Variants in ILKAP observed in about 807,000 individuals in gnomAD.
The protein encoded by ILKAP is ILK associated serine/threonine phosphatase.
A neutral mutation model predicts 49.1 loss-of-function variants in ILKAP; 11 were observed. The observed-to-expected ratio is 0.22, with a 90% CI of 0.14 to 0.37. The LOEUF is 0.37. ILKAP is among the 10% of genes least tolerant of loss of function. The pLI, the probability that ILKAP is intolerant of heterozygous loss-of-function variation, is 1.00. For synonymous variants in ILKAP, 186 were observed against 192.8 expected, an observed-to-expected ratio of 0.96 and a Z score of 0.29; for missense variants, 363 against 510.8, an observed-to-expected ratio of 0.71 and a Z score of 2.79.
chr2:238,181,895 T>C (rs1574788338), intron 9 of ILKAP, among the ~76,000 whole-genome samples, 170 bp downstream of exon 9: 1 of 152,324 alleles, frequency 6.6e-6, no homozygotes, highest in East Asian at 1.9e-4. Context: ...CGTGGACACA[T>C]GTGAAATCTA....
At chr2:238,203,035 T>G (rs990946698) in intron 1 of ILKAP, among the ~76,000 whole-genome samples, 1 of 152,004 alleles carries the variant, frequency 6.6e-6, no homozygotes, top group Non-Finnish European at 1.5e-5. Context: ...GCCCCTGAAC[T>G]TGCACCGGCC....
Position 238,182,183 on chromosome 2 carries a change from T to G in ILKAP, c.718A>C (p.Ile240Leu), listed in dbSNP as rs1401756006. 6.2e-7 allele frequency: 1 copy of G among 1,613,292 alleles called. No individual in the cohort carries two copies. Among genetic ancestry groups the G allele is most frequent in the Non-Finnish European group, 8.5e-7 (1 of 1,179,510 alleles). The change falls in exon 9 of 12, where the codon ATC becomes CTC. Residue 240 changes from isoleucine to leucine, a missense_variant. Around this residue, in one of 3 missense-constraint regions of ILKAP, gnomAD observed 166 missense variants for 307.3 expected, o/e 0.54. Coordinates refer to ENST00000254654, the MANE Select transcript of ILKAP (RefSeq NM_030768.3). ...YIANLGDSRA[I>L]LCRYNEESQK... The stretch of plus-strand genomic sequence containing the variant: ...CTCTCCTCATTATAACGACACAAGA[T>G]TGCCTGGGAAGATGGAGATTGTAAT...
At chr2:238,196,483 TC>T (rs35709588) in intron 1 of ILKAP, among the ~76,000 whole-genome samples, 1 of 152,136 alleles carries the variant, frequency 6.6e-6, no homozygotes, top group African/African-American at 2.4e-5. Context: ...CGCCTCAGCC[TC>T]CCAAAGTGCT....
chr2:238,187,529 T>C (rs1166627922), intron 5 of ILKAP, among the ~76,000 whole-genome samples: 1 of 152,238 alleles, frequency 6.6e-6, no homozygotes, highest in East Asian at 1.9e-4. Flanking sequence ...CAAGAGCTTA[T>C]CCAGAAGGCT....
At chr2:238,182,314 T>A in intron 8 of ILKAP, 128 bp from the exon 9 acceptor site, 1 of 1,113,716 alleles carries the variant, frequency 9.0e-7, no homozygotes, top group Non-Finnish European at 1.3e-6. Flanking sequence ...ACATTCAGCC[T>A]CCTGCTGATA....
rs982721524 is a variant in ILKAP, at chr2:238,188,171, T to C, written c.385A>G (p.Asn129Asp). The C allele has an allele frequency of 6.2e-7, 1 of 1,614,062 alleles. No individual in the cohort carries two copies. Among genetic ancestry groups the C allele is most frequent in the South Asian group, 1.1e-5 (1 of 91,070 alleles). The part of the protein sequence containing the change: ...EEMQDAHVIL[N>D]DITEECRPPS... ...GGCCTACACTCCTCGGTGATGTCGT[T>C]CAGGATGACGTGGGCATCCTGCATC... is the stretch of plus-strand genomic sequence containing the variant. The change falls in exon 5 of 12, where the codon AAC (asparagine) becomes GAC (aspartate). Residue 129 changes from asparagine (N) to aspartate (D), a missense_variant. Asn to Asp is a conservative substitution (Grantham distance 23). This residue lies in a region of ILKAP where 166 missense variants were observed against 307.3 expected (regional missense o/e 0.54). Coordinates refer to ENST00000254654, the MANE Select transcript of ILKAP (RefSeq NM_030768.3).
intron 1 of ILKAP, among the ~76,000 whole-genome samples, chr2:238,195,354 G>A (rs568787950): frequency 2.6e-5 from 4 of 152,070 alleles, no homozygotes; most frequent in Non-Finnish European, 4.4e-5. Flanking sequence ...TTCTGCAAGG[G>A]AAGAAAATCT....
rs545597697 is a variant in ILKAP at position 238,201,080 on chromosome 2, G to C, written c.55+2419C>G. ...AGGTCTTTTATTGTTCACTGCATTA[G>C]AGATTTGTGGTACCCACATATCATG... On this transcript the variant is annotated intron_variant, in intron 1 of 11. Coordinates refer to ENST00000254654, the MANE Select transcript of ILKAP (RefSeq NM_030768.3). Among the ~76,000 whole-genome samples, 17 of 152,342 alleles carry C rather than the reference G, an allele frequency of 1.1e-4. 1 individual carries two copies. The South Asian group carries it at 3.5e-3, about 32-fold the overall frequency.
intron 1 of ILKAP, among the ~76,000 whole-genome samples, chr2:238,196,972 G>A (rs2106341053): frequency 6.6e-6 from 1 of 152,328 alleles, no homozygotes; most frequent in Non-Finnish European, 1.5e-5. Flanking sequence ...GGAGGTCAAG[G>A]TCAGGACTGA....
intron 10 of ILKAP, among the ~76,000 whole-genome samples, chr2:238,171,712 C>T (rs1693227363): frequency 6.6e-6 from 1 of 152,194 alleles, no homozygotes; most frequent in African/African-American, 2.4e-5. Context: ...TACACCACTT[C>T]CAGACATAAA....
chr2:238,190,931 C>T (rs1037152585), intron 3 of ILKAP, among the ~76,000 whole-genome samples: 1 of 143,112 alleles, frequency 7.0e-6, no homozygotes, highest in Non-Finnish European at 1.5e-5. Flanking sequence ...TTTACTTACT[C>T]AACCTACTCT....
At chr2:238,177,954 CA>C (rs1245934453) in intron 9 of ILKAP, among the ~76,000 whole-genome samples, 1 of 152,130 alleles carries the variant, frequency 6.6e-6, no homozygotes, top group Admixed American at 6.5e-5. Context: ...CAGGGGTTCT[CA>C]TTTTCTCCCT....
chr2:238,196,195 A>G (rs1056608037), intron 1 of ILKAP, among the ~76,000 whole-genome samples: 1 of 140,194 alleles, frequency 7.1e-6, no homozygotes, highest in Non-Finnish European at 1.5e-5. Flanking sequence ...GGTTCAAGCT[A>G]TTCTCCTGCC....
At chr2:238,186,360 A>C (rs1693908646) in intron 5 of ILKAP, 1 of 152,244 alleles carries the variant, frequency 6.6e-6, no homozygotes, top group South Asian at 2.1e-4. Flanking sequence ...TGAACACGAC[A>C]GCTCACGCCT....
Position 238,184,047 on chromosome 2 carries a change from T to G in ILKAP, c.599A>C (p.Glu200Ala). 6.2e-7 allele frequency: 1 copy of G among 1,610,074 alleles called. No individual in the cohort carries two copies. Among genetic ancestry groups the G allele is most frequent in the Non-Finnish European group, 8.5e-7 (1 of 1,176,246 alleles). Residue 200 changes from glutamate (E) to alanine (A), a missense_variant, in exon 7 of 12, where the codon GAA becomes GCA. Physicochemically the swap from Glu to Ala is moderately radical, Grantham distance 107. Around this residue, in one of 3 missense-constraint regions of ILKAP, gnomAD observed 166 missense variants for 307.3 expected, o/e 0.54. Transcript: ENST00000254654. ...GCTGGAAGCTTGTTTAAGGAACTCTTCATCAGTATGCTTGAAAGTGTCCAA... is the reference window on the plus strand; with the variant it reads ...GCTGGAAGCTTGTTTAAGGAACTCTGCATCAGTATGCTTGAAAGTGTCCAA... ...CLLDTFKHTD[E>A]EFLKQASSQK...
chr2:238,183,691 C>T lies in ILKAP; in HGVS notation c.676G>A (p.Asp226Asn). ...GSTATCVLAV[D>N]NILYIANLGD... Reference sequence around the variant, plus strand: ...AGGTTGGCAATATAAAGAATGTTGTCTACAGCCAGAACACACGTGGCAGTG... The same window carrying T: ...AGGTTGGCAATATAAAGAATGTTGTTTACAGCCAGAACACACGTGGCAGTG... The change falls in exon 8 of 12, where the codon GAC becomes AAC. Residue 226 changes from aspartate to asparagine, a missense_variant. By Grantham distance (23) the Asp-to-Asn change is conservative. Around this residue, in one of 3 missense-constraint regions of ILKAP, gnomAD observed 166 missense variants for 307.3 expected, o/e 0.54. Transcript: ENST00000254654. 1 of 1,613,400 alleles carries T rather than the reference C, an allele frequency of 6.2e-7. No homozygotes were observed. The highest frequency in any genetic ancestry group is 1.3e-5 in the African/African-American group (1 of 75,002).
chr2:238,173,748 G>A, intron 9 of ILKAP, 95 bp from the exon 10 acceptor site: 1 of 1,336,286 alleles, frequency 7.5e-7, no homozygotes, highest in Non-Finnish European at 1.0e-6. Context: ...ATGGAAGTGT[G>A]AAAGATACAG....
intron 3 of ILKAP, among the ~76,000 whole-genome samples, chr2:238,193,981 C>A (rs1694249026): frequency 6.6e-6 from 1 of 152,180 alleles, no homozygotes; most frequent in African/African-American, 2.4e-5. Flanking sequence ...GAATAATGAA[C>A]TCTGAATTTT....
chr2:238,189,365 C>G (rs35165235), intron 4 of ILKAP, among the ~76,000 whole-genome samples: 42,094 of 152,060 alleles, frequency 0.28, 6,231 homozygotes, highest in South Asian at 0.37. Flanking sequence ...AGTACCACAA[C>G]TGAAGTATTC....
Sources: allele counts gnomAD v4.1 joint callset (sites outside exome capture counted in the v4.1 genomes callset), GRCh38; gene constraint gnomAD v4.1.1; regional missense constraint gnomAD v4.1.1; transcripts MANE v1.5; gene names NCBI Gene and HGNC (gene_info 2026-07-23, HGNC 2026-07-21).